Variants in ANO1 observed in about 807,000 individuals in gnomAD.
ANO1 encodes the protein anoctamin 1.
A neutral mutation model predicts 124.0 loss-of-function variants in ANO1; 59 were observed. The observed-to-expected ratio is 0.48, with a 90% CI of 0.39 to 0.59. ANO1 has a LOEUF of 0.59. ANO1 is among the 20% of genes least tolerant of loss of function. ANO1 has a pLI of 0.00. For missense variants in ANO1, 1,059 were observed against 1,328.0 expected, an observed-to-expected ratio of 0.80 and a Z score of 3.15; for synonymous variants, 529 against 532.0, an observed-to-expected ratio of 0.99 and a Z score of 0.08.
Position 70,093,986 on chromosome 11 carries a change from C to T in ANO1, c.441+5902C>T, listed in dbSNP as rs577004392. Among the ~76,000 whole-genome samples, 62 of 152,336 alleles carry T rather than the reference C, an allele frequency of 4.1e-4. 1 individual carries two copies. Among genetic ancestry groups the T allele is most frequent in the East Asian group, 3.5e-3 (18 of 5,182 alleles). ...GTGGCTTCACCTCTCTGGGTCTCAA[C>T]GTCCCCATCTGTAAAATGGAGTTGA... On this transcript the variant is annotated intron_variant, in intron 2 of 25. Coordinates refer to ENST00000355303, the MANE Select transcript of ANO1 (RefSeq NM_018043.7).
At chr11:70,029,762 T>G (rs1856968908) in intron 1 of ANO1, among the ~76,000 whole-genome samples, 1 of 152,214 alleles carries the variant, frequency 6.6e-6, no homozygotes, top group Non-Finnish European at 1.5e-5. Context: ...CCACACTCCC[T>G]CTAGAGGCCC....
chr11:69,980,230 A>G, the ANO1 span, among the ~76,000 whole-genome samples: 1 of 152,214 alleles, frequency 6.6e-6, no homozygotes, highest in Non-Finnish European at 1.5e-5. Context: ...CCACATTCAC[A>G]GAGACAGAAA....
chr11:70,188,318 T>C lies in ANO1; in HGVS notation c.*314T>C. The C allele has an allele frequency of 2.7e-6, 1 of 375,612 alleles. No homozygotes were observed. Among genetic ancestry groups the C allele is most frequent in the African/African-American group, 2.1e-5 (1 of 48,728 alleles). 23.3% of individuals were successfully genotyped at this position (375,612 alleles called of 1,614,324 possible). A position where few individuals can be genotyped will look rare whatever the true frequency, so the allele number is the denominator to read the frequency against. ...GAAAGAATGCTTGGAAACTTGAGTC[T>C]CCCTAGAGGTGAAAAGTGAGCAGAG... On this transcript the variant is annotated 3_prime_UTR_variant, in exon 26 of 26. Transcript: ENST00000355303.
In ANO1 at chr11:70,013,758, C is replaced by T. The variant is rs978735562; in HGVS notation, c.58+27592C>T. ...CGGAGGTTGCCATGAACCGAGATCG[C>T]GCCACTGCACTCCAGCCTGGGTGAC... On this transcript the variant is annotated intron_variant, in intron 1 of 27. Transcript: ENST00000531349. 1.7e-4 allele frequency among the ~76,000 whole-genome samples: 22 copies of T among 133,002 alleles called. 1 individual carries two copies. The highest frequency in any genetic ancestry group is 7.6e-5 in the Admixed American group (1 of 13,146). 87.3% of individuals were successfully genotyped at this position (133,002 alleles called of 152,430 possible). A position where few individuals can be genotyped will look rare whatever the true frequency, so the allele number is the denominator to read the frequency against.
At chr11:70,006,483 C>T (rs1856485164) in intron 1 of ANO1, among the ~76,000 whole-genome samples, 1 of 152,090 alleles carries the variant, frequency 6.6e-6, no homozygotes, top group Admixed American at 6.5e-5. Context: ...CCCTGAACCC[C>T]ACACACAGAC....
chr11:70,146,257 TCA>T (rs2047373840), intron 11 of ANO1, among the ~76,000 whole-genome samples: 1 of 152,222 alleles, frequency 6.6e-6, no homozygotes, highest in African/African-American at 2.4e-5. Context: ...CCTCTGAATC[TCA>T]GTTTTGTAAA....
chr11:70,041,400 A>G (rs536902429), intron 1 of ANO1, among the ~76,000 whole-genome samples: 1 of 152,356 alleles, frequency 6.6e-6, no homozygotes, highest in East Asian at 1.9e-4. Context: ...GGACATTTAT[A>G]CATGGAATAT....
At position 70,162,134 on chromosome 11, in the gene ANO1, A is replaced by AGAGGACCTCGGGCAGT. The variant is rs1156733951; in HGVS notation, c.1892+409_1892+424dup. Among the ~76,000 whole-genome samples, 3 of 145,970 alleles carry AGAGGACCTCGGGCAGT rather than the reference A, an allele frequency of 2.1e-5. No homozygotes were observed. The East Asian group carries it at 6.0e-4, about 29-fold the overall frequency. ...CCCGGGCAGTGAGGACTCTGGGCAG[A>AGAGGACCTCGGGCAGT]GAGGACCTCGGGCAGTGAGGACCCG... On this transcript the variant is annotated intron_variant, in intron 18 of 25. Transcript: ENST00000355303.
chr11:70,076,723 G>A (rs1047352949), upstream of ANO1, among the ~76,000 whole-genome samples: 4 of 152,166 alleles, frequency 2.6e-5, no homozygotes, highest in Admixed American at 1.3e-4. Context: ...TGCAGACAAA[G>A]GGTCCTTTAG....
intron 11 of ANO1, among the ~76,000 whole-genome samples, chr11:70,147,833 G>A (rs1192936862): frequency 1.3e-5 from 2 of 152,222 alleles, no homozygotes; most frequent in Non-Finnish European, 2.9e-5. Flanking sequence ...ATCCTGAAAC[G>A]GATGCCAGCT....
chr11:70,159,097 G>T (rs2135696715), intron 16 of ANO1, among the ~76,000 whole-genome samples: 1 of 152,336 alleles, frequency 6.6e-6, no homozygotes, highest in East Asian at 1.9e-4. Flanking sequence ...GGCTGGTCTG[G>T]TGGCCCCACG....
intron 1 of ANO1, among the ~76,000 whole-genome samples, chr11:70,042,863 A>G (rs1857204979): frequency 6.6e-6 from 1 of 152,224 alleles, no homozygotes; most frequent in Admixed American, 6.5e-5. Flanking sequence ...ATTCTAAGCA[A>G]CTTAACTGCA....
intron 11 of ANO1, among the ~76,000 whole-genome samples, chr11:70,144,505 C>T (rs1179209715): frequency 6.6e-6 from 1 of 152,116 alleles, no homozygotes; most frequent in East Asian, 1.9e-4. Context: ...TGATGAGATC[C>T]CATGTAGACC....
Position 70,155,975 on chromosome 11 carries a change from C to T in ANO1, c.1490C>T (p.Ala497Val), listed in dbSNP as rs974240739. The change falls in exon 15 of 26, where the codon GCG (alanine) becomes GTG (valine). Residue 497 changes from alanine to valine, a missense_variant. Coordinates refer to ENST00000355303, the MANE Select transcript of ANO1 (RefSeq NM_018043.7). ...AAGCAGAGGGTTAAGACAGCCATGG[C>T]GGGGGTGAAATTGGTACTTTTCTAT... is the stretch of plus-strand genomic sequence containing the variant. The part of the protein sequence containing the change: ...KWKQRVKTAM[A>V]GVKLTDKVKL... The T allele has an allele frequency of 3.3e-6, 5 of 1,524,902 alleles. No individual in the cohort carries two copies. The highest frequency in any genetic ancestry group is 2.5e-5 in the South Asian group (2 of 80,654). 94.5% of individuals were successfully genotyped at this position (1,524,902 alleles called of 1,614,324 possible).
chr11:70,126,537 G>C (rs1229648527), intron 10 of ANO1, among the ~76,000 whole-genome samples: 1 of 152,256 alleles, frequency 6.6e-6, no homozygotes, highest in Non-Finnish European at 1.5e-5. Flanking sequence ...GTTTCCTTGT[G>C]TGGCCGGGAG....
At chr11:70,160,382 C>CCAGA (rs370654143) in intron 16 of ANO1, among the ~76,000 whole-genome samples, 17 of 152,148 alleles carry the variant, frequency 1.1e-4, no homozygotes, top group South Asian at 2.1e-4. Context: ...GTGAGGGAGC[C>CCAGA]CAGACAGACA....
At chr11:70,177,604 T>C (rs868449694) in intron 22 of ANO1, among the ~76,000 whole-genome samples, 17 of 137,634 alleles carry the variant, frequency 1.2e-4, no homozygotes, top group South Asian at 5.0e-4. Flanking sequence ...CTTTTTTTTT[T>C]TTTTTTTTTT....
chr11:70,173,793 G>A (rs1337834546), intron 22 of ANO1, among the ~76,000 whole-genome samples: 2 of 152,194 alleles, frequency 1.3e-5, no homozygotes, highest in African/African-American at 2.4e-5. Flanking sequence ...GCTCACGCCT[G>A]TAATCCCAGC....
chr11:70,139,715 A>G (rs1320711717), intron 11 of ANO1, among the ~76,000 whole-genome samples: 3 of 152,248 alleles, frequency 2.0e-5, no homozygotes, highest in African/African-American at 7.2e-5. Flanking sequence ...CAGTAAACAT[A>G]TGCATACATG....
Sources: allele counts gnomAD v4.1 joint callset (sites outside exome capture counted in the v4.1 genomes callset), GRCh38; gene constraint gnomAD v4.1.1; transcripts MANE v1.5; gene names NCBI Gene and HGNC (gene_info 2026-07-23, HGNC 2026-07-21).